CPZ: variants seen among roughly 807,000 people sequenced by gnomAD.
The protein encoded by CPZ is carboxypeptidase Z.
In CPZ, 103 loss-of-function variants were observed where a neutral mutation model predicts 61.8. The ratio of observed to expected loss-of-function variants is 1.67; its 90% CI spans 1.42 to 1.96. CPZ has a LOEUF of 1.96. CPZ is among the 30% of genes most tolerant of loss of function. The pLI is 0.00. For synonymous variants in CPZ, 551 were observed against 373.7 expected (o/e 1.47, Z -5.47); for missense variants, 1,461 against 914.9 (o/e 1.60, Z -7.70).
intron 7 of CPZ, among the ~76,000 whole-genome samples, chr4:8,608,641 C>CGTGTGTGTGT (rs57341669): frequency 5.3e-5 from 8 of 151,418 alleles, no homozygotes; most frequent in African/African-American, 1.9e-4. Flanking sequence ...TGTGAGTGCA[C>CGTGTGTGTGT]GTGTGTGCGT....
chr4:8,619,751 T>C lies in CPZ; in HGVS notation c.*134T>C, dbSNP rs961599292. The C allele has an allele frequency of 1.1e-5, 8 of 727,088 alleles. No homozygotes were observed. The African/African-American group carries it at 1.3e-4, about 11-fold the overall frequency. The allele number at this position is 727,088 out of a possible 1,614,324, so 45.0% of individuals were successfully genotyped here. A position where few individuals can be genotyped will look rare whatever the true frequency, so the allele number is the denominator to read the frequency against. On this transcript the variant is annotated 3_prime_UTR_variant, in exon 11 of 11. Coordinates refer to ENST00000360986, the MANE Select transcript of CPZ (RefSeq NM_001014447.3). ...TTTTATTAAAGTGTTTTGATCCACT[T>C]TGCACTGGAATGAGAGGATCTGTGT...
At chr4:8,597,181 G>T (rs1714239417) in intron 1 of CPZ, among the ~76,000 whole-genome samples, 1 of 152,170 alleles carries the variant, frequency 6.6e-6, no homozygotes, top group African/African-American at 2.4e-5. Flanking sequence ...TGGCCCCACT[G>T]GTGGCCAGCT....
In CPZ at chr4:8,610,546, C is replaced by T. The variant is rs1046011872; in HGVS notation, c.1228-1481C>T. 4.6e-5 allele frequency among the ~76,000 whole-genome samples: 7 copies of T among 150,650 alleles called. No individual in the cohort carries two copies. The South Asian group carries it at 8.4e-4, about 18-fold the overall frequency. The stretch of plus-strand genomic sequence containing the variant: ...AGTCTTGTCCCACCCTCCTACCCCC[C>T]GAGGCTACACCCTGTCAAGCTGACG... On this transcript the variant is annotated intron_variant, in intron 7 of 10. Coordinates refer to ENST00000360986, the MANE Select transcript of CPZ (RefSeq NM_001014447.3).
rs562170662 is a variant in CPZ at position 8,609,656 on chromosome 4, G to T, written c.1227+2231G>T. Among the ~76,000 whole-genome samples the T allele has an allele frequency of 1.4e-4, 22 of 152,202 alleles. 1 individual carries two copies. Among genetic ancestry groups the T allele is most frequent in the Admixed American group, 1.4e-3 (21 of 15,298 alleles). On this transcript the variant is annotated intron_variant, in intron 7 of 10. Coordinates refer to ENST00000360986, the MANE Select transcript of CPZ (RefSeq NM_001014447.3). ...CCTCAGAGCTGGCAGGGCAGGGCAG[G>T]CATCCCCTCTGCACTGGCCCAGTGT...
rs376950778 is a variant in CPZ, at chr4:8,593,003, G to A, written c.88+82G>A. On this transcript the variant is annotated intron_variant, in intron 1 of 10. Transcript: ENST00000360986. ...GTGATCCGTCGCTTCCCAGGGGCCC[G>A]GGAGCTTTCTTCCAGTAGGTCACGC... The A allele has an allele frequency of 1.8e-4, 209 of 1,155,066 alleles. No homozygotes were observed. The East Asian group carries it at 3.6e-3, about 20-fold the overall frequency. 71.6% of individuals were successfully genotyped at this position (1,155,066 alleles called of 1,614,324 possible). A position where few individuals can be genotyped will look rare whatever the true frequency, so the allele number is the denominator to read the frequency against.
intron 2 of CPZ, among the ~76,000 whole-genome samples, chr4:8,600,600 G>A (rs186748003): frequency 6.6e-6 from 1 of 152,328 alleles, no homozygotes; most frequent in Non-Finnish European, 1.5e-5. Flanking sequence ...CTCTGCCTGG[G>A]CTTACGGCAT....
At position 8,619,467 on chromosome 4, in the gene CPZ, A is replaced by G. The variant is rs28514374; in HGVS notation, c.1809A>G (p.Pro603=). The G allele has an allele frequency of 1, 1,609,777 of 1,610,972 alleles. 804,301 individuals are homozygous for G. Among genetic ancestry groups the G allele is most frequent in the South Asian group, 1 (90,727 of 90,734 alleles). Reference sequence around the variant, plus strand: ...TGCGGAGGACTGGGCCCCACGACCCACTGGGAGGTGCCAGCTCTTTGGGGG... The same window carrying G: ...TGCGGAGGACTGGGCCCCACGACCCGCTGGGAGGTGCCAGCTCTTTGGGGG... ...HGLRRTGPHD[P]LGGASSLGEA... The change falls in exon 11 of 11, where the codon CCA becomes CCG. Residue 603 remains proline, a synonymous_variant. Transcript: ENST00000360986.
chr4:8,609,055 CCTCA>C (rs879570029), intron 7 of CPZ, among the ~76,000 whole-genome samples: 526 of 40,194 alleles, frequency 0.013, 6 homozygotes, highest in African/African-American at 0.038. Context: ...TCCCTCCCTC[CCTCA>C]CTCCCTCACT....
intron 7 of CPZ, among the ~76,000 whole-genome samples, chr4:8,609,183 GGCATTCACTCACTCCCTCACTC>G (rs1715374936): frequency 1.7e-4 from 9 of 53,344 alleles, no homozygotes; most frequent in East Asian, 1.6e-3. Context: ...CATTCACTCA[GGCATTCACTCACTCCCTCACTC>G]ACTTACTCAT....
intron 7 of CPZ, among the ~76,000 whole-genome samples, chr4:8,608,400 C>T (rs1264009708): frequency 6.6e-6 from 1 of 152,208 alleles, no homozygotes; most frequent in Non-Finnish European, 1.5e-5. Flanking sequence ...CCCCTCATAA[C>T]AGCAGTCACA....
rs375592984 is a variant in CPZ at position 8,619,405 on chromosome 4, C to T, written c.1747C>T (p.Pro583Ser). 1.2e-6 allele frequency: 2 copies of T among 1,614,094 alleles called. No homozygotes were observed. Among genetic ancestry groups the T allele is most frequent in the African/African-American group, 2.7e-5 (2 of 74,956 alleles). ...RAGRVDFILQ[P>S]LGMGPKNFIH... ...TGGCCGTGTGGACTTCATTCTGCAA[C>T]CTCTGGGGATGGGACCCAAGAACTT... The change falls in exon 11 of 11, where the codon CCT (proline) becomes TCT (serine). Residue 583 changes from proline to serine, a missense_variant. Physicochemically the swap from Pro to Ser is moderately conservative, Grantham distance 74. Transcript: ENST00000360986.
Position 8,604,021 on chromosome 4 carries a change from C to G in CPZ, c.542C>G (p.Thr181Ser), listed in dbSNP as rs774853158. ...GCACTGCCCTCAGGGCTGCCGCCCA[C>G]CTTCATCCGCTTCAGCCACCACTCC... is the stretch of plus-strand genomic sequence containing the variant. ...DEALPSGLPPTFIRFSHHSYA... is the reference protein window; with the variant it reads ...DEALPSGLPPSFIRFSHHSYA... Residue 181 changes from threonine (T) to serine (S), a missense_variant, in exon 4 of 11, where the codon ACC (threonine) becomes AGC (serine). Physicochemically the swap from Thr to Ser is moderately conservative, Grantham distance 58 (BLOSUM62 1). Transcript: ENST00000360986. 3.1e-6 allele frequency: 5 copies of G among 1,612,196 alleles called. No individual in the cohort carries two copies. The Admixed American group carries it at 5.0e-5, about 16-fold the overall frequency.
chr4:8,599,288 C>A (rs1016541322), intron 1 of CPZ, among the ~76,000 whole-genome samples, 165 bp from the exon 2 acceptor site: 1 of 152,220 alleles, frequency 6.6e-6, no homozygotes, highest in Non-Finnish European at 1.5e-5. Flanking sequence ...ATGGGGGTGA[C>A]TGTGGTGTCT....
At chr4:8,614,313 C>T (rs761820294) in intron 8 of CPZ, 46 bp from the exon 9 acceptor site, 1 of 1,589,684 alleles carries the variant, frequency 6.3e-7, no homozygotes, top group Non-Finnish European at 8.6e-7. Context: ...CCGGCTGTCT[C>T]TGTGCGGCTG....
rs766601855 is a variant in CPZ at position 8,592,940 on chromosome 4, CCCACCCT to C, written c.88+34_88+40del. The C allele has an allele frequency of 1.5e-5, 22 of 1,515,360 alleles. No individual in the cohort carries two copies. The highest frequency in any genetic ancestry group is 2.8e-5 in the African/African-American group (2 of 72,088). The allele number at this position is 1,515,360 out of a possible 1,614,324, so 93.9% of individuals were successfully genotyped here. On this transcript the variant is annotated intron_variant, in intron 1 of 10. Coordinates refer to ENST00000360986, the MANE Select transcript of CPZ (RefSeq NM_001014447.3). Reference sequence around the variant, plus strand: ...CCCGCCGGTAAGGCCGTCCCCTGCCCCCACCCTCCACCCTCCACCCTGCAACCTCTGG... The same window carrying C: ...CCCGCCGGTAAGGCCGTCCCCTGCCCCCACCCTCCACCCTGCAACCTCTGG...
chr4:8,595,205 A>G (rs1162580424), intron 1 of CPZ, among the ~76,000 whole-genome samples: 1 of 152,230 alleles, frequency 6.6e-6, no homozygotes, highest in Admixed American at 6.5e-5. Flanking sequence ...CATCGCACAC[A>G]TTGGTTTGAT....
chr4:8,616,196 A>G (rs1223713825), intron 9 of CPZ, among the ~76,000 whole-genome samples: 1 of 152,208 alleles, frequency 6.6e-6, no homozygotes, highest in African/African-American at 2.4e-5. Flanking sequence ...GCTCCTGATA[A>G]GGATCAAGCC....
intron 2 of CPZ, chr4:8,599,720 C>T (rs1714434623): frequency 2.8e-6 from 3 of 1,075,156 alleles, no homozygotes; most frequent in Admixed American, 6.0e-5. Context: ...CACCCCAGCC[C>T]CTGCAGAGAT....
rs1044827514 is a variant in CPZ at position 8,619,704 on chromosome 4, A to C, written c.*87A>C. 7 of 1,027,196 alleles carry C rather than the reference A, an allele frequency of 6.8e-6. No individual in the cohort carries two copies. Among genetic ancestry groups the C allele is most frequent in the Non-Finnish European group, 9.5e-6 (7 of 739,222 alleles). The allele number at this position is 1,027,196 out of a possible 1,614,324, so 63.6% of individuals were successfully genotyped here. A position where few individuals can be genotyped will look rare whatever the true frequency, so the allele number is the denominator to read the frequency against. ...TGGCTCTTGATTTTGTCTGCCACAG[A>C]CATCCCACAAAGCCGCTGCCATTTT... On this transcript the variant is annotated 3_prime_UTR_variant, in exon 11 of 11. Coordinates refer to ENST00000360986, the MANE Select transcript of CPZ (RefSeq NM_001014447.3).
Sources: gnomAD v4.1 joint callset for allele counts (sites outside exome capture counted in the v4.1 genomes callset) on GRCh38, gnomAD v4.1.1 for gene constraint, MANE v1.5 for transcripts, NCBI Gene and HGNC (gene_info 2026-07-23, HGNC 2026-07-21) for gene names.